MECOM: variants seen among roughly 807,000 people sequenced by gnomAD.
The protein encoded by MECOM is histone-lysine N-methyltransferase MECOM.
Under a neutral mutation model 116.3 loss-of-function variants are expected in MECOM, and 13 were observed. That is an observed-to-expected ratio of 0.11 (90% CI 0.07 to 0.18). The LOEUF is 0.18. MECOM is among the 10% of genes least tolerant of loss of function. The probability of loss-of-function intolerance (pLI) is 1.00; values close to 1 mark genes in which losing one functional copy is unlikely to be tolerated. For synonymous variants in MECOM, 528 were observed against 535.2 expected (o/e 0.99, Z 0.19); for missense variants, 1,299 against 1,509.0 (o/e 0.86, Z 2.31).
intron 1 of MECOM, among the ~76,000 whole-genome samples, chr3:169,662,729 C>A (rs1169919183): frequency 1.3e-5 from 2 of 152,218 alleles, no homozygotes; most frequent in East Asian, 3.9e-4. Flanking sequence ...CCCGCCCGCG[C>A]AACTTCCAGC....
chr3:169,402,394 C>A (rs1354617507), intron 1 of MECOM, among the ~76,000 whole-genome samples: 2 of 152,180 alleles, frequency 1.3e-5, no homozygotes, highest in Non-Finnish European at 2.9e-5. Context: ...GGCTGCAGAA[C>A]CAACAGGCTT....
At chr3:169,497,909 A>G (rs760353876) in intron 1 of MECOM, among the ~76,000 whole-genome samples, 35 of 152,236 alleles carry the variant, frequency 2.3e-4, no homozygotes, top group Non-Finnish European at 4.6e-4. Flanking sequence ...TTAGGCCAAC[A>G]TATGCCATAT....
At chr3:169,462,306 G>A (rs1379872514) in intron 1 of MECOM, among the ~76,000 whole-genome samples, 3 of 152,152 alleles carry the variant, frequency 2.0e-5, no homozygotes, top group African/African-American at 7.2e-5. Flanking sequence ...AGACTAAGCT[G>A]TTGATGAGAA....
intron 2 of MECOM, among the ~76,000 whole-genome samples, chr3:169,295,024 T>A (rs1442951535): frequency 6.6e-6 from 1 of 151,526 alleles, no homozygotes; most frequent in African/African-American, 2.4e-5. Context: ...TTTCTTTATT[T>A]AAAAAAAAAT....
chr3:169,295,364 T>G (rs1030711648), intron 2 of MECOM, among the ~76,000 whole-genome samples: 7 of 152,240 alleles, frequency 4.6e-5, no homozygotes, highest in African/African-American at 1.7e-4. Flanking sequence ...TGTACCTAAA[T>G]TTTTAAAAGG....
chr3:169,272,934 G>A (rs914596411), intron 2 of MECOM, among the ~76,000 whole-genome samples: 7 of 152,284 alleles, frequency 4.6e-5, no homozygotes, highest in Non-Finnish European at 1.0e-4. Context: ...GGAGGACTGC[G>A]GGAAAGAGCT....
chr3:169,117,741 T>C (rs755360541), intron 7 of MECOM, among the ~76,000 whole-genome samples: 1 of 152,192 alleles, frequency 6.6e-6, no homozygotes, highest in African/African-American at 2.4e-5. Flanking sequence ...ATCTTCCTCC[T>C]CACACATGTG....
chr3:169,142,802 T>C lies in MECOM; in HGVS notation c.510+896A>G, dbSNP rs183091876. Among the ~76,000 whole-genome samples the C allele has an allele frequency of 3.4e-3, 516 of 152,000 alleles. 3 individuals are homozygous for C. Among genetic ancestry groups the C allele is most frequent in the African/African-American group, 0.012 (498 of 41,480 alleles). On this transcript the variant is annotated intron_variant, in intron 3 of 16. Coordinates refer to ENST00000651503, the MANE Select transcript of MECOM (RefSeq NM_004991.4). ...AGTTTTCAATTGGAAACATTTAATT[T>C]AAACTATTCTTCTTCTTGATGGTGA...
chr3:169,543,411 C>T (rs953237103), intron 1 of MECOM, among the ~76,000 whole-genome samples: 1 of 152,066 alleles, frequency 6.6e-6, no homozygotes, highest in Non-Finnish European at 1.5e-5. Context: ...CCTGTCTCTA[C>T]AAAAAAGTTT....
At chr3:169,121,268 G>C in intron 6 of MECOM, 59 bp from the exon 7 acceptor site, 1 of 1,476,440 alleles carries the variant, frequency 6.8e-7, no homozygotes, top group South Asian at 1.4e-5. Flanking sequence ...CAATAAAGAA[G>C]ACCCGGGATG....
intron 2 of MECOM, among the ~76,000 whole-genome samples, chr3:169,149,077 C>CTTTTTTTTT (rs60870748): frequency 6.1e-5 from 7 of 115,116 alleles, no homozygotes; most frequent in African/African-American, 2.2e-4. Flanking sequence ...TCGGAGCTTT[C>CTTTTTTTTT]TTTTTTTTTT....
intron 1 of MECOM, among the ~76,000 whole-genome samples, chr3:169,621,797 G>A (rs1020265956): frequency 5.3e-5 from 8 of 152,132 alleles, no homozygotes; most frequent in Non-Finnish European, 1.0e-4. Context: ...TAAGGTAGGA[G>A]TTGTTTTTGT....
chr3:169,369,797 C>T (rs1301824240), intron 2 of MECOM, among the ~76,000 whole-genome samples: 1 of 151,950 alleles, frequency 6.6e-6, no homozygotes, highest in Non-Finnish European at 1.5e-5. Flanking sequence ...AATTGAATAT[C>T]CAAACTATAT....
intron 2 of MECOM, among the ~76,000 whole-genome samples, chr3:169,272,008 C>G (rs374110401): frequency 6.6e-6 from 1 of 152,154 alleles, no homozygotes; most frequent in Non-Finnish European, 1.5e-5. Context: ...ATTAACCCAG[C>G]GTTCCTCAGA....
intron 1 of MECOM, among the ~76,000 whole-genome samples, chr3:169,447,421 G>A (rs1744831053): frequency 6.6e-6 from 1 of 152,122 alleles, no homozygotes; most frequent in Admixed American, 6.6e-5. Context: ...AGAGGTGGAT[G>A]GTTATCTACT....
chr3:169,181,286 A>G (rs1484920024), intron 2 of MECOM, among the ~76,000 whole-genome samples: 1 of 152,170 alleles, frequency 6.6e-6, no homozygotes, highest in Admixed American at 6.5e-5. Flanking sequence ...ACATGTGGTT[A>G]TTTAAATTTA....
At chr3:169,616,322 G>A (rs1410923945) in intron 1 of MECOM, among the ~76,000 whole-genome samples, 1 of 152,044 alleles carries the variant, frequency 6.6e-6, no homozygotes, top group African/African-American at 2.4e-5. Context: ...ATTCCTTAGA[G>A]TTTTTTTGGT....
chr3:169,567,418 ATG>A (rs1420089735), intron 1 of MECOM, among the ~76,000 whole-genome samples: 4 of 152,246 alleles, frequency 2.6e-5, no homozygotes, highest in African/African-American at 9.6e-5. Context: ...TTCAAAGGTC[ATG>A]CATGAGGTAC....
At chr3:169,508,556 T>C (rs1755583535) in intron 1 of MECOM, among the ~76,000 whole-genome samples, 1 of 152,142 alleles carries the variant, frequency 6.6e-6, no homozygotes, top group African/African-American at 2.4e-5. Flanking sequence ...TTTGTGAGAC[T>C]CTTCTTACCC....
Sources: allele counts gnomAD v4.1 joint callset (sites outside exome capture counted in the v4.1 genomes callset), GRCh38; gene constraint gnomAD v4.1.1; transcripts MANE v1.5; gene names NCBI Gene and HGNC (gene_info 2026-07-23, HGNC 2026-07-21).